Variants in MIS18A observed in about 807,000 individuals in gnomAD.
The protein encoded by MIS18A is protein Mis18-alpha.
MIS18A carries 14 observed loss-of-function variants against 25.0 expected under a neutral mutation model. The ratio of observed to expected loss-of-function variants is 0.56; its 90% CI spans 0.37 to 0.88. The LOEUF is 0.88. Ranked by LOEUF, MIS18A falls within the 40% of genes least tolerant of loss-of-function variation. MIS18A has a pLI of 0.00. For missense variants in MIS18A, 292 were observed against 290.8 expected, an observed-to-expected ratio of 1.00 and a Z score of -0.03; for synonymous variants, 134 against 118.6, an observed-to-expected ratio of 1.13 and a Z score of -0.84.
the MIS18A span, among the ~76,000 whole-genome samples, chr21:32,226,235 C>T: frequency 7.0e-6 from 1 of 142,572 alleles, no homozygotes; most frequent in African/African-American, 2.7e-5. Context: ...ACATATGTAA[C>T]TAACCTGCAC....
the MIS18A span, among the ~76,000 whole-genome samples, chr21:32,244,257 T>A: frequency 6.6e-6 from 1 of 151,838 alleles, no homozygotes; most frequent in Admixed American, 6.6e-5. Flanking sequence ...GGGCCAGGGC[T>A]GGGGAGGAAA....
the MIS18A span, among the ~76,000 whole-genome samples, chr21:32,156,709 T>C: frequency 6.6e-6 from 1 of 152,158 alleles, no homozygotes. Context: ...AGAAAAGGAT[T>C]TGGGTTTCCA....
chr21:32,262,841 A>G, the MIS18A span, among the ~76,000 whole-genome samples: 5 of 152,238 alleles, frequency 3.3e-5, no homozygotes, highest in African/African-American at 1.2e-4. Flanking sequence ...ATTTAGGCCA[A>G]TAAAACTCTA....
At chr21:32,237,596 C>A in the MIS18A span, among the ~76,000 whole-genome samples, 4 of 152,104 alleles carry the variant, frequency 2.6e-5, no homozygotes, top group African/African-American at 7.2e-5. Context: ...CATAATTGAT[C>A]ACTGAAATGC....
the MIS18A span, among the ~76,000 whole-genome samples, chr21:32,256,895 C>T: frequency 6.6e-6 from 1 of 151,886 alleles, no homozygotes; most frequent in Non-Finnish European, 1.5e-5. Flanking sequence ...GTGAATAAGA[C>T]TCATTCTTAC....
chr21:32,158,500 G>A, the MIS18A span, among the ~76,000 whole-genome samples: 3 of 149,392 alleles, frequency 2.0e-5, no homozygotes, highest in East Asian at 5.8e-4. Flanking sequence ...TTGAGACAGA[G>A]TTTTGCTCCT....
chr21:32,267,778 G>A (rs1312926363), downstream of MIS18A, among the ~76,000 whole-genome samples: 2 of 152,214 alleles, frequency 1.3e-5, no homozygotes, highest in Non-Finnish European at 2.9e-5. Flanking sequence ...CGAGCTTACT[G>A]CAGCTGGATG....
At chr21:32,269,150 AC>A (rs1569013420) in intron 4 of MIS18A, 33 bp from the exon 5 acceptor site, 2 of 1,423,590 alleles carry the variant, frequency 1.4e-6, no homozygotes, top group Admixed American at 2.0e-5. Flanking sequence ...AAATAAAGAA[AC>A]ACACATATAA....
downstream of MIS18A, among the ~76,000 whole-genome samples, chr21:32,264,021 A>C (rs2031552891): frequency 6.6e-6 from 1 of 152,178 alleles, no homozygotes; most frequent in South Asian, 2.1e-4. Context: ...TAGTAAACTC[A>C]GTTGTTAAAT....
the MIS18A span, among the ~76,000 whole-genome samples, chr21:32,236,356 CT>C: frequency 4.6e-5 from 7 of 152,232 alleles, no homozygotes; most frequent in East Asian, 1.2e-3. Flanking sequence ...GCACTCCAAC[CT>C]GGGTGACAGA....
chr21:32,273,659 C>T (rs2031754794), intron 2 of MIS18A, among the ~76,000 whole-genome samples: 1 of 152,084 alleles, frequency 6.6e-6, no homozygotes, highest in African/African-American at 2.4e-5. Flanking sequence ...ATGGTAGCTC[C>T]TAATGTGATG....
At chr21:32,275,095 C>T (rs2031785757) in intron 1 of MIS18A, among the ~76,000 whole-genome samples, 199 bp from the exon 2 acceptor site, 1 of 152,100 alleles carries the variant, frequency 6.6e-6, no homozygotes, top group African/African-American at 2.4e-5. Flanking sequence ...TATTTCCAAC[C>T]AGGCGCAGGG....
the MIS18A span, among the ~76,000 whole-genome samples, chr21:32,161,476 T>TG: frequency 6.6e-6 from 1 of 150,442 alleles, no homozygotes; most frequent in African/African-American, 2.5e-5. Context: ...GAAGCTTGTT[T>TG]TTTGTTTGTT....
the MIS18A span, among the ~76,000 whole-genome samples, chr21:32,240,974 A>C: frequency 6.6e-6 from 1 of 152,192 alleles, no homozygotes; most frequent in Non-Finnish European, 1.5e-5. Context: ...ATGCTGCTTA[A>C]ATATTTAGAA....
At chr21:32,246,695 TG>T in the MIS18A span, among the ~76,000 whole-genome samples, 1 of 152,168 alleles carries the variant, frequency 6.6e-6, no homozygotes, top group African/African-American at 2.4e-5. Context: ...ACTTTGTCAC[TG>T]GAGTCCTGAC....
At chr21:32,243,088 C>G in the MIS18A span, among the ~76,000 whole-genome samples, 1,015 of 152,274 alleles carry the variant, frequency 6.7e-3, 5 homozygotes, top group Non-Finnish European at 9.7e-3. Flanking sequence ...GCAGAAACCT[C>G]ACACCTTATT....
chr21:32,247,352 T>C, the MIS18A span, among the ~76,000 whole-genome samples: 1 of 152,156 alleles, frequency 6.6e-6, no homozygotes, highest in Non-Finnish European at 1.5e-5. Flanking sequence ...AGGAGTTCCT[T>C]AGTGGCAGAG....
At chr21:32,260,242 T>C in the MIS18A span, 5 of 152,000 alleles carry the variant, frequency 3.3e-5, no homozygotes, top group African/African-American at 1.2e-4. Flanking sequence ...AAAATCTAAG[T>C]AATAAGGTCA....
chr21:32,175,921 C>T, the MIS18A span, among the ~76,000 whole-genome samples: 1 of 151,974 alleles, frequency 6.6e-6, no homozygotes, highest in Admixed American at 6.6e-5. Context: ...TATTTTTAAA[C>T]TTTTTTGTTA....
Sources: allele counts gnomAD v4.1 joint callset (sites outside exome capture counted in the v4.1 genomes callset), GRCh38; gene constraint gnomAD v4.1.1; transcripts MANE v1.5; gene names NCBI Gene and HGNC (gene_info 2026-07-23, HGNC 2026-07-21).